The following IQCM variants were observed in gnomAD, a reference collection of about 807,000 sequenced individuals.
IQCM encodes the protein IQ domain-containing protein M.
A neutral mutation model predicts 57.6 loss-of-function variants in IQCM; 45 were observed. The ratio of observed to expected loss-of-function variants is 0.78; its 90% CI spans 0.62 to 1.00. IQCM has a LOEUF of 1.00. Ranked by LOEUF, IQCM falls within the 50% of genes least tolerant of loss-of-function variation. The pLI is 0.00. For missense variants in IQCM, 468 were observed against 511.6 expected (o/e 0.91, Z 0.82); for synonymous variants, 148 against 158.9 (o/e 0.93, Z 0.51).
At chr4:149,491,469 G>C (rs1287395038) in intron 12 of IQCM, among the ~76,000 whole-genome samples, 2 of 151,948 alleles carry the variant, frequency 1.3e-5, no homozygotes, top group Non-Finnish European at 2.9e-5. Context: ...ACTTCTATGA[G>C]TACAACCTTT....
At chr4:149,742,767 A>C (rs1767577843) in intron 2 of IQCM, 28 bp from the exon 3 acceptor site, 4 of 946,974 alleles carry the variant, frequency 4.2e-6, no homozygotes, top group Non-Finnish European at 5.5e-6. Flanking sequence ...TAAGTAATTC[A>C]GTGATGATAA....
chr4:149,413,541 C>T (rs992268316), intron 13 of IQCM, among the ~76,000 whole-genome samples: 1 of 152,098 alleles, frequency 6.6e-6, no homozygotes, highest in Non-Finnish European at 1.5e-5. Context: ...CCTAGGAGTA[C>T]TCTTCTTCTG....
chr4:149,731,598 T>G (rs984836128), intron 5 of IQCM, among the ~76,000 whole-genome samples: 2 of 152,194 alleles, frequency 1.3e-5, no homozygotes, highest in African/African-American at 4.8e-5. Flanking sequence ...TCATTTTCAT[T>G]ACACATCAGT....
At chr4:149,776,807 T>C (rs1771130853) in intron 2 of IQCM, among the ~76,000 whole-genome samples, 1 of 152,148 alleles carries the variant, frequency 6.6e-6, no homozygotes, top group African/African-American at 2.4e-5. Context: ...ACATCTTTTT[T>C]GCTAATAAGA....
chr4:149,671,407 G>A (rs1761271071), intron 7 of IQCM, among the ~76,000 whole-genome samples: 1 of 152,054 alleles, frequency 6.6e-6, no homozygotes, highest in African/African-American at 2.4e-5. Context: ...TATCAATTGT[G>A]TTGATCTTCT....
intron 13 of IQCM, among the ~76,000 whole-genome samples, chr4:149,391,098 A>G (rs1325696475): frequency 6.6e-6 from 1 of 151,984 alleles, no homozygotes; most frequent in African/African-American, 2.4e-5. Context: ...AATGTCTGAT[A>G]GAATCCAACA....
intron 7 of IQCM, among the ~76,000 whole-genome samples, chr4:149,627,286 C>T (rs72726159): frequency 2.0e-5 from 3 of 152,236 alleles, no homozygotes; most frequent in Non-Finnish European, 4.4e-5. Context: ...CTGCAAGTTA[C>T]TGGGAATTAG....
chr4:149,606,251 CCTT>C (rs1754770649), intron 8 of IQCM, among the ~76,000 whole-genome samples: 2 of 152,106 alleles, frequency 1.3e-5, no homozygotes, highest in South Asian at 2.1e-4. Flanking sequence ...GAGAGAGACT[CCTT>C]CTGTTTGGAG....
intron 2 of IQCM, among the ~76,000 whole-genome samples, chr4:149,751,753 G>C (rs1483663069): frequency 6.6e-6 from 1 of 152,048 alleles, no homozygotes; most frequent in Admixed American, 6.6e-5. Context: ...TTAAATTTGA[G>C]AGTAGTTTAA....
chr4:149,491,646 C>A (rs1436184588), intron 12 of IQCM, among the ~76,000 whole-genome samples: 1 of 151,940 alleles, frequency 6.6e-6, no homozygotes, highest in Non-Finnish European at 1.5e-5. Flanking sequence ...ATTTTTTTAT[C>A]CATTCATCCA....
At chr4:149,416,206 C>A (rs1015760087) in intron 13 of IQCM, among the ~76,000 whole-genome samples, 16 of 152,054 alleles carry the variant, frequency 1.1e-4, no homozygotes, top group African/African-American at 2.9e-4. Context: ...CAATCTCTCT[C>A]TTTCTCTCTC....
intron 3 of IQCM, among the ~76,000 whole-genome samples, chr4:149,738,906 T>C (rs1460573341): frequency 6.6e-6 from 1 of 152,208 alleles, no homozygotes; most frequent in Non-Finnish European, 1.5e-5. Flanking sequence ...GCTAGCATCA[T>C]TTATTTTTAT....
intron 13 of IQCM, among the ~76,000 whole-genome samples, chr4:149,393,765 A>G (rs1732029676): frequency 6.6e-6 from 1 of 151,968 alleles, no homozygotes; most frequent in Non-Finnish European, 1.5e-5. Context: ...TCAAGACCAA[A>G]TGAGAATAGA....
chr4:149,371,963 A>G (rs1450915248), intron 13 of IQCM, among the ~76,000 whole-genome samples: 4 of 152,206 alleles, frequency 2.6e-5, no homozygotes, highest in Non-Finnish European at 5.9e-5. Context: ...AAGCTTTAAA[A>G]AAAATTGTAA....
At chr4:149,630,445 AAGAC>A (rs1199309127) in intron 7 of IQCM, among the ~76,000 whole-genome samples, 3 of 152,238 alleles carry the variant, frequency 2.0e-5, no homozygotes, top group Non-Finnish European at 2.9e-5. Flanking sequence ...CTAAGCAAGA[AAGAC>A]AGAGGTCCTG....
intron 13 of IQCM, among the ~76,000 whole-genome samples, chr4:149,424,938 C>A (rs1399757237): frequency 6.6e-6 from 1 of 151,926 alleles, no homozygotes; most frequent in Non-Finnish European, 1.5e-5. Flanking sequence ...AATATCATCT[C>A]CATCAAAACA....
At chr4:149,813,249 G>A (rs1213916256) in intron 2 of IQCM, among the ~76,000 whole-genome samples, 1 of 152,084 alleles carries the variant, frequency 6.6e-6, no homozygotes. Flanking sequence ...TCTATCGTCT[G>A]AAAGAGGTTG....
intron 7 of IQCM, among the ~76,000 whole-genome samples, chr4:149,670,632 T>A (rs1761175333): frequency 6.6e-6 from 1 of 152,182 alleles, no homozygotes; most frequent in African/African-American, 2.4e-5. Context: ...ATAGCTCTTA[T>A]CATTTTGAGA....
intron 6 of IQCM, among the ~76,000 whole-genome samples, chr4:149,682,853 T>C (rs1762280061): frequency 6.6e-6 from 1 of 151,050 alleles, no homozygotes; most frequent in Non-Finnish European, 1.5e-5. Flanking sequence ...CAGTATACAG[T>C]TCAGATTATT....
Sources: gnomAD v4.1 joint callset for allele counts (sites outside exome capture counted in the v4.1 genomes callset) on GRCh38, gnomAD v4.1.1 for gene constraint, MANE v1.5 for transcripts, NCBI Gene and HGNC (gene_info 2026-07-23, HGNC 2026-07-21) for gene names.